Variants in PRKG1 observed in about 807,000 individuals in gnomAD.
The protein encoded by PRKG1 is cGMP-dependent protein kinase 1.
Under a neutral mutation model 88.1 loss-of-function variants are expected in PRKG1, and 35 were observed. The observed-to-expected ratio is 0.40, with a 90% CI of 0.30 to 0.53. The LOEUF (loss-of-function observed/expected upper bound fraction) is 0.53. Among genes scored for constraint, PRKG1 ranks in the 20% least tolerant of loss-of-function variants. The probability of loss-of-function intolerance (pLI) is 0.59; values close to 1 mark genes in which losing one functional copy is unlikely to be tolerated. For synonymous variants in PRKG1, 303 were observed against 292.5 expected (o/e 1.04, Z -0.37); for missense variants, 540 against 839.8 (o/e 0.64, Z 4.41).
chr10:51,479,407 A>G (rs1840292889), intron 3 of PRKG1, among the ~76,000 whole-genome samples: 1 of 152,080 alleles, frequency 6.6e-6, no homozygotes, highest in African/African-American at 2.4e-5. Flanking sequence ...CTTTTTAATT[A>G]TCATGTTCAG....
chr10:51,928,403 A>G (rs1337874332), intron 5 of PRKG1, among the ~76,000 whole-genome samples: 1 of 152,216 alleles, frequency 6.6e-6, no homozygotes, highest in African/African-American at 2.4e-5. Context: ...TACTGTTATC[A>G]ATCTTCAGCA....
At chr10:51,278,642 G>T (rs1205835215) in intron 2 of PRKG1, among the ~76,000 whole-genome samples, 1 of 152,110 alleles carries the variant, frequency 6.6e-6, no homozygotes. Context: ...CCTGTTATTG[G>T]TCTATTCAGG....
At chr10:52,111,390 T>C (rs1847561069) in intron 7 of PRKG1, among the ~76,000 whole-genome samples, 1 of 152,246 alleles carries the variant, frequency 6.6e-6, no homozygotes, top group Non-Finnish European at 1.5e-5. Flanking sequence ...ATGACAGCCT[T>C]TGTTGACATT....
At chr10:52,130,613 ATTGT>A (rs1837227039) in intron 7 of PRKG1, among the ~76,000 whole-genome samples, 1 of 152,168 alleles carries the variant, frequency 6.6e-6, no homozygotes. Flanking sequence ...TTTGTTTATT[ATTGT>A]TATTCATTTA....
In PRKG1 at chr10:51,478,730, C is replaced by G. The variant is rs550746342; in HGVS notation, c.592+10894C>G. Reference sequence around the variant, plus strand: ...CATGAAGCTTAAGCATAACATGAAGCAGAGTGAGATACTGAAAAAAAAAAA... The same window carrying G: ...CATGAAGCTTAAGCATAACATGAAGGAGAGTGAGATACTGAAAAAAAAAAA... On this transcript the variant is annotated intron_variant, in intron 3 of 17. Transcript: ENST00000373980. Among the ~76,000 whole-genome samples, 5 of 124,292 alleles carry G rather than the reference C, an allele frequency of 4.0e-5. No individual in the cohort carries two copies. The South Asian group carries it at 1.7e-3, about 41-fold the overall frequency. 81.5% of individuals were successfully genotyped at this position (124,292 alleles called of 152,430 possible).
intron 5 of PRKG1, among the ~76,000 whole-genome samples, chr10:51,990,346 G>GT (rs1388302826): frequency 6.6e-6 from 1 of 151,982 alleles, no homozygotes. Flanking sequence ...TGTTAGGATT[G>GT]TTTTTTCCAT....
intron 5 of PRKG1, among the ~76,000 whole-genome samples, chr10:52,046,193 ATTGGAT>A (rs1311560780): frequency 6.6e-6 from 1 of 152,120 alleles, no homozygotes; most frequent in East Asian, 1.9e-4. Context: ...GGTTAATTAT[ATTGGAT>A]TTGGAGAATG....
At chr10:51,155,943 A>G (rs1007079641) in intron 2 of PRKG1, among the ~76,000 whole-genome samples, 1 of 152,020 alleles carries the variant, frequency 6.6e-6, no homozygotes, top group African/African-American at 2.4e-5. Flanking sequence ...ATTGTGACCT[A>G]TCCAAGTTGA....
At chr10:51,784,257 T>G (rs949499092) in intron 3 of PRKG1, among the ~76,000 whole-genome samples, 2 of 152,002 alleles carry the variant, frequency 1.3e-5, no homozygotes, top group African/African-American at 4.8e-5. Flanking sequence ...GCCCTTCAGC[T>G]CTTCTTTATG....
In PRKG1 at chr10:51,412,422, A is replaced by G. The variant is rs564461556; in HGVS notation, c.479-55301A>G. ...CCCTTTGGGAAGATAAGGCAGGTAGATCATGAGGTCAGGAGTTCAAGATCA... is the reference window on the plus strand; with the variant it reads ...CCCTTTGGGAAGATAAGGCAGGTAGGTCATGAGGTCAGGAGTTCAAGATCA... On this transcript the variant is annotated intron_variant, in intron 2 of 17. Transcript: ENST00000373980. Among the ~76,000 whole-genome samples the G allele has an allele frequency of 2.0e-3, 311 of 152,022 alleles. 1 individual carries two copies. The highest frequency in any genetic ancestry group is 6.2e-3 in the African/African-American group (259 of 41,444).
At chr10:51,168,355 A>G (rs1172420539) in intron 2 of PRKG1, among the ~76,000 whole-genome samples, 1 of 152,188 alleles carries the variant, frequency 6.6e-6, no homozygotes, top group African/African-American at 2.4e-5. Context: ...TCCAAAGTGT[A>G]AAACAATGGC....
chr10:52,267,041 AATCATC>A (rs71857599), intron 10 of PRKG1, among the ~76,000 whole-genome samples: 4,536 of 150,712 alleles, frequency 0.03, 293 homozygotes, highest in East Asian at 0.24. Flanking sequence ...CTTGCTAAAA[AATCATC>A]ATCATCATCA....
chr10:51,916,681 G>A (rs1354339146), intron 5 of PRKG1, among the ~76,000 whole-genome samples: 3 of 152,170 alleles, frequency 2.0e-5, no homozygotes, highest in Non-Finnish European at 2.9e-5. Flanking sequence ...GCATACCCAA[G>A]AGAATTGGAA....
intron 3 of PRKG1, among the ~76,000 whole-genome samples, chr10:51,624,288 C>A (rs1459364519): frequency 6.6e-6 from 1 of 152,058 alleles, no homozygotes; most frequent in African/African-American, 2.4e-5. Context: ...TGTAAGTGTT[C>A]TTTTAGGATT....
intron 2 of PRKG1, among the ~76,000 whole-genome samples, chr10:51,237,080 C>CT (rs1230910389): frequency 6.6e-6 from 1 of 152,198 alleles, no homozygotes; most frequent in Non-Finnish European, 1.5e-5. Context: ...ACTGCACCTG[C>CT]TCAGATAACA....
At chr10:51,759,914 CT>C (rs1381261795) in intron 3 of PRKG1, among the ~76,000 whole-genome samples, 1 of 152,130 alleles carries the variant, frequency 6.6e-6, no homozygotes, top group Non-Finnish European at 1.5e-5. Context: ...TTTCAGAGTT[CT>C]AGTTTTATTA....
At chr10:51,551,564 AT>A (rs1272269189) in intron 3 of PRKG1, among the ~76,000 whole-genome samples, 1 of 151,734 alleles carries the variant, frequency 6.6e-6, no homozygotes, top group Non-Finnish European at 1.5e-5. Flanking sequence ...ACAGGAAGGA[AT>A]TTTTCTATTT....
chr10:52,268,842 C>A (rs1040965925), intron 10 of PRKG1, among the ~76,000 whole-genome samples: 3 of 152,110 alleles, frequency 2.0e-5, no homozygotes, highest in African/African-American at 7.2e-5. Context: ...CAAGCAGAGT[C>A]CATCAATGAA....
intron 9 of PRKG1, among the ~76,000 whole-genome samples, chr10:52,172,495 C>T (rs2132712148): frequency 6.6e-6 from 1 of 152,274 alleles, no homozygotes; most frequent in Middle Eastern, 3.4e-3. Context: ...CAGCCCGATA[C>T]ATGTTTCTTT....
Sources: gnomAD v4.1 joint callset for allele counts (sites outside exome capture counted in the v4.1 genomes callset) on GRCh38, gnomAD v4.1.1 for gene constraint, MANE v1.5 for transcripts, NCBI Gene and HGNC (gene_info 2026-07-23, HGNC 2026-07-21) for gene names.